Variants in WWOX observed in about 807,000 individuals in gnomAD.
WWOX encodes WW domain containing oxidoreductase, also known as WW domain-containing oxidoreductase.
A neutral mutation model predicts 46.2 loss-of-function variants in WWOX; 69 were observed. The observed-to-expected ratio is 1.49, with a 90% confidence interval of 1.23 to 1.82. WWOX has a LOEUF of 1.82. WWOX is among the 40% of genes most tolerant of loss of function. The pLI is 0.00. For missense variants in WWOX, 919 were observed against 542.6 expected, an observed-to-expected ratio of 1.69 and a Z score of -6.89; for synonymous variants, 359 against 202.6, an observed-to-expected ratio of 1.77 and a Z score of -6.56.
chr16:79,062,227 A>T (rs1314050404), intron 8 of WWOX, among the ~76,000 whole-genome samples: 1 of 152,200 alleles, frequency 6.6e-6, no homozygotes, highest in African/African-American at 2.4e-5. Flanking sequence ...TGTATCTTAC[A>T]GTTTAAAACC....
chr16:79,075,562 T>C lies in WWOX; in HGVS notation c.1057-136046T>C, dbSNP rs1403711338. On this transcript the variant is annotated intron_variant, in intron 8 of 8. Coordinates refer to ENST00000566780, the MANE Select transcript of WWOX (RefSeq NM_016373.4). ...CTTTCTCTCTCTCTCTTTTTTTTTT[T>C]CTTTTGTTTAGACGGAGTCTTGCTC... Among the ~76,000 whole-genome samples, 4 of 136,318 alleles carry C rather than the reference T, an allele frequency of 2.9e-5. No individual in the cohort carries two copies. The Admixed American group carries it at 2.9e-4, about 10-fold the overall frequency. The allele number at this position is 136,318 out of a possible 152,430, so 89.4% of individuals were successfully genotyped here.
At chr16:78,448,246 C>T (rs939073919) in intron 8 of WWOX, among the ~76,000 whole-genome samples, 1 of 152,138 alleles carries the variant, frequency 6.6e-6, no homozygotes, top group African/African-American at 2.4e-5. Flanking sequence ...CACAGTAATG[C>T]ATAACGGGGG....
chr16:78,234,429 A>C lies in WWOX; in HGVS notation c.516+70140A>C, dbSNP rs146366371. The stretch of plus-strand genomic sequence containing the variant: ...TGTGTGTGTGTAGTGTGGGCCCCAG[A>C]CTTTCGCCATACCGCTGGCTAAAGT... On this transcript the variant is annotated intron_variant, in intron 5 of 8. Coordinates refer to ENST00000566780, the MANE Select transcript of WWOX (RefSeq NM_016373.4). Among the ~76,000 whole-genome samples the C allele has an allele frequency of 1.2e-3, 177 of 152,074 alleles. 3 individuals carry two copies. Among genetic ancestry groups the C allele is most frequent in the Non-Finnish European group, 1.6e-3 (107 of 68,018 alleles).
chr16:78,109,715 C>G, intron 2 of WWOX, 63 bp from the exon 3 acceptor site: 2 of 1,589,560 alleles, frequency 1.3e-6, no homozygotes, highest in South Asian at 2.2e-5. Context: ...CCTTCCCTTC[C>G]TGACCCAGGG....
chr16:78,935,176 C>G (rs915856710), intron 8 of WWOX, among the ~76,000 whole-genome samples: 3 of 152,138 alleles, frequency 2.0e-5, no homozygotes, highest in African/African-American at 7.2e-5. Context: ...CCAGTTCAAC[C>G]ATTGTGGAAG....
chr16:78,867,714 G>C (rs2142334), intron 8 of WWOX, among the ~76,000 whole-genome samples: 47,506 of 151,718 alleles, frequency 0.31, 7,907 homozygotes, highest in East Asian at 0.45. Context: ...CTAATTAAGT[G>C]AGTTTCTTAA....
chr16:78,518,474 G>T (rs1325777909), intron 8 of WWOX, among the ~76,000 whole-genome samples: 1 of 152,108 alleles, frequency 6.6e-6, no homozygotes, highest in Non-Finnish European at 1.5e-5. Context: ...GTCCGCCTCG[G>T]CCTCCCAAAT....
intron 8 of WWOX, among the ~76,000 whole-genome samples, chr16:78,460,587 C>G (rs2083926242): frequency 1.3e-5 from 2 of 152,232 alleles, no homozygotes; most frequent in South Asian, 4.1e-4. Flanking sequence ...TTGCAGAACA[C>G]TGGCCTGAAT....
At chr16:78,715,427 G>C (rs1016425344) in intron 8 of WWOX, among the ~76,000 whole-genome samples, 1 of 152,048 alleles carries the variant, frequency 6.6e-6, no homozygotes, top group African/African-American at 2.4e-5. Flanking sequence ...GGAAAGAGGG[G>C]TAGGAATTTT....
intron 8 of WWOX, among the ~76,000 whole-genome samples, chr16:78,532,328 C>G (rs963219967): frequency 2.0e-5 from 3 of 152,156 alleles, no homozygotes; most frequent in African/African-American, 7.2e-5. Context: ...CAAGTCCTCT[C>G]TCTGTCTCTT....
intron 8 of WWOX, among the ~76,000 whole-genome samples, chr16:78,609,194 G>T (rs1424342970): frequency 3.3e-5 from 5 of 152,190 alleles, no homozygotes. Context: ...TGAAAACTAG[G>T]AAGTGTTGAT....
chr16:78,380,634 C>A (rs994079179), intron 5 of WWOX, among the ~76,000 whole-genome samples: 7 of 152,074 alleles, frequency 4.6e-5, no homozygotes, highest in Non-Finnish European at 2.9e-5. Context: ...TACATAATCA[C>A]AATATAAGGA....
chr16:78,796,519 T>C (rs1466897335), intron 8 of WWOX, among the ~76,000 whole-genome samples: 3 of 152,248 alleles, frequency 2.0e-5, no homozygotes, highest in Non-Finnish European at 4.4e-5. Context: ...GCAAGAGAAA[T>C]GTTTTCAGTG....
At chr16:78,141,652 C>G (rs188781612) in intron 4 of WWOX, among the ~76,000 whole-genome samples, 1 of 152,074 alleles carries the variant, frequency 6.6e-6, no homozygotes, top group Non-Finnish European at 1.5e-5. Flanking sequence ...CCATTAAATA[C>G]ACATACTTGC....
At position 79,181,895 on chromosome 16, in the gene WWOX, C is replaced by G. The variant is rs369305916; in HGVS notation, c.1057-29713C>G. ...ACCCTAGGAATAATTCTGTTCCCCA[C>G]TGGGATAGAGCATTGTTATTAATAT... On this transcript the variant is annotated intron_variant, in intron 8 of 8. Transcript: ENST00000566780. 1.2e-4 allele frequency among the ~76,000 whole-genome samples: 19 copies of G among 152,306 alleles called. No individual in the cohort carries two copies. In the East Asian group the frequency reaches 2.9e-3, roughly 23 times the overall value.
chr16:78,856,344 A>G (rs1371479145), intron 8 of WWOX, among the ~76,000 whole-genome samples: 1 of 152,242 alleles, frequency 6.6e-6, no homozygotes, highest in Non-Finnish European at 1.5e-5. Context: ...TTATCGAAGT[A>G]GAAGTTGAAT....
At chr16:78,249,603 G>T (rs1044552363) in intron 5 of WWOX, among the ~76,000 whole-genome samples, 1 of 152,216 alleles carries the variant, frequency 6.6e-6, no homozygotes, top group African/African-American at 2.4e-5. Flanking sequence ...AGGTGAGAAG[G>T]CCGTTCATCT....
chr16:78,766,049 G>C (rs559676033), intron 8 of WWOX, among the ~76,000 whole-genome samples: 1 of 152,342 alleles, frequency 6.6e-6, no homozygotes, highest in East Asian at 1.9e-4. Context: ...CAGGCACACA[G>C]ATGACATGAG....
chr16:78,164,326 A>G (rs1159446929), intron 5 of WWOX, 37 bp downstream of exon 5: 1 of 1,578,336 alleles, frequency 6.3e-7, no homozygotes, highest in African/African-American at 1.3e-5. Flanking sequence ...TTTAATTGTC[A>G]AATACACATG....
Sources: allele counts gnomAD v4.1 joint callset (sites outside exome capture counted in the v4.1 genomes callset), GRCh38; gene constraint gnomAD v4.1.1; transcripts MANE v1.5; gene names NCBI Gene and HGNC (gene_info 2026-07-23, HGNC 2026-07-21).